TSEN15: variants seen among roughly 807,000 people sequenced by gnomAD.
The protein encoded by TSEN15 is tRNA splicing endonuclease subunit 15.
A neutral mutation model predicts 20.5 loss-of-function variants in TSEN15; 10 were observed. That is an observed-to-expected ratio of 0.49 (90% CI 0.30 to 0.83). The LOEUF (loss-of-function observed/expected upper bound fraction) is 0.83. Among genes scored for constraint, TSEN15 ranks in the 40% least tolerant of loss-of-function variants. TSEN15 has a pLI of 0.06. For synonymous variants in TSEN15, 72 were observed against 80.1 expected (o/e 0.90, Z 0.54); for missense variants, 180 against 218.6 (o/e 0.82, Z 1.11).
chr1:184,094,317 C>T (rs1651411221), intron 3 of TSEN15: 1 of 152,266 alleles, frequency 6.6e-6, no homozygotes, highest in Non-Finnish European at 1.5e-5. Context: ...ATTCCCAGGA[C>T]CCTGTACATG....
At chr1:184,071,924 A>C in intron 3 of TSEN15, 1 of 407,448 alleles carries the variant, frequency 2.5e-6, no homozygotes. Flanking sequence ...ACTGTCAACT[A>C]TTTCTATACC....
intron 3 of TSEN15, among the ~76,000 whole-genome samples, chr1:184,059,567 C>T (rs1402310991): frequency 6.6e-6 from 1 of 151,944 alleles, no homozygotes; most frequent in Non-Finnish European, 1.5e-5. Flanking sequence ...GACATGTATA[C>T]CTTTATACCT....
chr1:184,071,151 A>ATT, intron 3 of TSEN15: 1 of 152,150 alleles, frequency 6.6e-6, no homozygotes, highest in East Asian at 1.9e-4. Flanking sequence ...TACTATCTTC[A>ATT]TTTCAAGTAT....
At chr1:184,086,133 T>C (rs910234776) in intron 3 of TSEN15, among the ~76,000 whole-genome samples, 1 of 152,186 alleles carries the variant, frequency 6.6e-6, no homozygotes, top group African/African-American at 2.4e-5. Flanking sequence ...ACTTTTATAT[T>C]CAGAAAAAAA....
chr1:184,090,968 T>G (rs578076894), intron 3 of TSEN15, among the ~76,000 whole-genome samples: 113 of 152,300 alleles, frequency 7.4e-4, no homozygotes, highest in African/African-American at 2.6e-3. Context: ...ACAAAATGAT[T>G]TGGATATTCC....
At chr1:184,061,392 G>C (rs551062202) in intron 3 of TSEN15, among the ~76,000 whole-genome samples, 1 of 152,242 alleles carries the variant, frequency 6.6e-6, no homozygotes, top group East Asian at 1.9e-4. Flanking sequence ...ATACACAGCT[G>C]TAGAGCCAGA....
intron 3 of TSEN15, chr1:184,070,592 C>A: frequency 9.0e-7 from 1 of 1,113,790 alleles, no homozygotes; most frequent in Non-Finnish European, 1.2e-6. Flanking sequence ...AAAAATGTAT[C>A]TTTTTCTATT....
chr1:184,062,847 T>C (rs1353908084), intron 3 of TSEN15, among the ~76,000 whole-genome samples: 1 of 152,008 alleles, frequency 6.6e-6, no homozygotes, highest in Non-Finnish European at 1.5e-5. Context: ...AAACCTTAGT[T>C]GACATATTTT....
At chr1:184,075,908 ATAT>A (rs1490318255), downstream of TSEN15, among the ~76,000 whole-genome samples, 8 of 99,494 alleles carry the variant, frequency 8.0e-5, no homozygotes, top group African/African-American at 2.5e-4. Context: ...ATATATATAT[ATAT>A]TTTTTTTTTT....
At chr1:184,077,845 G>A (rs1052639432), downstream of TSEN15, among the ~76,000 whole-genome samples, 3 of 152,312 alleles carry the variant, frequency 2.0e-5, no homozygotes, top group African/African-American at 7.2e-5. Context: ...CTGAACATAT[G>A]AGGAGTTGTT....
chr1:184,083,342 A>T (rs1194292715), intron 3 of TSEN15, among the ~76,000 whole-genome samples: 1 of 152,140 alleles, frequency 6.6e-6, no homozygotes, highest in Non-Finnish European at 1.5e-5. Context: ...TTATATTTTG[A>T]TCCCTTGCCT....
chr1:184,051,734 C>T lies in TSEN15; in HGVS notation c.-22C>T, dbSNP rs937792882. On this transcript the variant is annotated 5_prime_UTR_variant, in exon 1 of 5. In the 5' UTR this introduces an upstream ATG that the reference lacks. Transcript: ENST00000645668. ...GCCGGGCGCGGGTCGTGGTGCACCACGGGAGCGCCGCACCGGCCGGCATGG... is the reference window on the plus strand; with the variant it reads ...GCCGGGCGCGGGTCGTGGTGCACCATGGGAGCGCCGCACCGGCCGGCATGG... 2 of 1,392,084 alleles carry T rather than the reference C, an allele frequency of 1.4e-6. No homozygotes were observed. Among genetic ancestry groups the T allele is most frequent in the Non-Finnish European group, 1.9e-6 (2 of 1,071,510 alleles). The allele number at this position is 1,392,084 out of a possible 1,614,324, so 86.2% of individuals were successfully genotyped here.
intron 3 of TSEN15, among the ~76,000 whole-genome samples, chr1:184,085,098 A>G (rs568356054): frequency 1.3e-5 from 2 of 152,268 alleles, no homozygotes; most frequent in South Asian, 2.1e-4. Flanking sequence ...AATAAGGGAA[A>G]TTTCCACTGC....
rs547839089 is a variant in TSEN15, at chr1:184,084,421, ATATTATCCATAAATCCTTTTGAT to A, written c.354-11221_354-11199del. On this transcript the variant is annotated intron_variant, in intron 3 of 3. Coordinates refer to the TSEN15 transcript ENST00000643231. Reference sequence around the variant, plus strand: ...CCATCCCACCTATGATGGTTTTAAGATATTATCCATAAATCCTTTTGATTATTATCCATAAATCCTTTTGATTA... The same window carrying A: ...CCATCCCACCTATGATGGTTTTAAGATATTATCCATAAATCCTTTTGATTA... 8.3e-3 allele frequency among the ~76,000 whole-genome samples: 1,249 copies of A among 151,072 alleles called. 6 individuals are homozygous for A. Among genetic ancestry groups the A allele is most frequent in the African/African-American group, 0.016 (641 of 40,918 alleles).
At chr1:184,093,045 T>C (rs1296673192) in intron 3 of TSEN15, among the ~76,000 whole-genome samples, 1 of 152,218 alleles carries the variant, frequency 6.6e-6, no homozygotes, top group Non-Finnish European at 1.5e-5. Context: ...TTTATCTAAA[T>C]ATAGACTGGT....
chr1:184,074,008 C>G lies in TSEN15; in HGVS notation c.*1161C>G, dbSNP rs1651001904. On this transcript the variant is annotated 3_prime_UTR_variant, in exon 5 of 5. Transcript: ENST00000645668. ...TATTATTAAAAACATGAAAATATTA[C>G]CTTAAGTAAAAATTGCAAGACGGAA... The G allele has an allele frequency of 6.6e-6, 1 of 151,808 alleles. No individual in the cohort carries two copies. Among genetic ancestry groups the G allele is most frequent in the African/African-American group, 2.4e-5 (1 of 41,320 alleles). The allele number at this position is 151,808 out of a possible 1,614,324, so 9.4% of individuals were successfully genotyped here.
chr1:184,054,332 A>G, intron 1 of TSEN15, 22 bp from the exon 2 acceptor site: 1 of 1,409,230 alleles, frequency 7.1e-7, no homozygotes, highest in Non-Finnish European at 9.9e-7. Flanking sequence ...TCTCAATTTG[A>G]CAATTATATT....
chr1:184,080,548 AT>A (rs1557888941), intron 3 of TSEN15, among the ~76,000 whole-genome samples: 1 of 152,228 alleles, frequency 6.6e-6, no homozygotes, highest in African/African-American at 2.4e-5. Context: ...GATCAATTAC[AT>A]TATCCTCTGA....
At chr1:184,093,600 A>G (rs1014820787) in intron 3 of TSEN15, 5 of 152,174 alleles carry the variant, frequency 3.3e-5, no homozygotes, top group Non-Finnish European at 7.3e-5. Context: ...ATCAAATGCA[A>G]CCATATCTTT....
Sources: allele counts gnomAD v4.1 joint callset (sites outside exome capture counted in the v4.1 genomes callset), GRCh38; gene constraint gnomAD v4.1.1; transcripts MANE v1.5; gene names NCBI Gene and HGNC (gene_info 2026-07-23, HGNC 2026-07-21).